PTPRE: variants seen among roughly 807,000 people sequenced by gnomAD.
PTPRE encodes receptor-type tyrosine-protein phosphatase epsilon.
Under a neutral mutation model 102.0 loss-of-function variants are expected in PTPRE, and 51 were observed. The ratio of observed to expected loss-of-function variants is 0.50; its 90% CI spans 0.40 to 0.63. The LOEUF is 0.63. Among genes scored for constraint, PTPRE ranks in the 30% least tolerant of loss-of-function variants. The probability of loss-of-function intolerance (pLI) is 0.00; values close to 1 mark genes in which losing one functional copy is unlikely to be tolerated. For synonymous variants in PTPRE, 345 were observed against 348.2 expected, an observed-to-expected ratio of 0.99 and a Z score of 0.10; for missense variants, 752 against 915.1, an observed-to-expected ratio of 0.82 and a Z score of 2.30.
chr10:128,068,019 A>G (rs920421203), intron 11 of PTPRE, 104 bp from the exon 12 acceptor site: 4 of 1,321,490 alleles, frequency 3.0e-6, no homozygotes, highest in Non-Finnish European at 4.1e-6. Flanking sequence ...TCCCCTACGC[A>G]GCCCCAGCAC....
At chr10:127,931,899 C>G (rs1157956512) in intron 1 of PTPRE, among the ~76,000 whole-genome samples, 1 of 152,112 alleles carries the variant, frequency 6.6e-6, no homozygotes, top group Non-Finnish European at 1.5e-5. Flanking sequence ...GACTCATCTC[C>G]TAGCAAAAAT....
chr10:128,046,703 A>C (rs1848121173), intron 3 of PTPRE, among the ~76,000 whole-genome samples: 1 of 152,144 alleles, frequency 6.6e-6, no homozygotes, highest in African/African-American at 2.4e-5. Flanking sequence ...CGAGGCCACC[A>C]GTGTCCCTTG....
intron 17 of PTPRE, among the ~76,000 whole-genome samples, chr10:128,075,926 G>T (rs895573930): frequency 6.6e-6 from 1 of 152,176 alleles, no homozygotes; most frequent in Middle Eastern, 3.4e-3. Flanking sequence ...AGCTCTTTAC[G>T]TAATCTTGAT....
At chr10:128,073,280 G>A in intron 16 of PTPRE, 57 bp from the exon 17 acceptor site, 3 of 1,604,126 alleles carry the variant, frequency 1.9e-6, no homozygotes, top group South Asian at 2.2e-5. Flanking sequence ...TAGGGAGCAG[G>A]TAATGGAGCC....
chr10:127,967,351 C>A (rs1850335776), intron 1 of PTPRE, among the ~76,000 whole-genome samples: 2 of 152,174 alleles, frequency 1.3e-5, no homozygotes, highest in Non-Finnish European at 2.9e-5. Context: ...CCCCACGTGT[C>A]ATGGGAGGGA....
intron 1 of PTPRE, among the ~76,000 whole-genome samples, chr10:127,976,978 C>T (rs560197507): frequency 7.2e-5 from 11 of 152,302 alleles, no homozygotes; most frequent in African/African-American, 2.6e-4. Flanking sequence ...GCGGTTCTGT[C>T]CATTCCCCAC....
At chr10:128,063,591 G>A (rs974827995) in intron 10 of PTPRE, among the ~76,000 whole-genome samples, 4 of 152,004 alleles carry the variant, frequency 2.6e-5, no homozygotes, top group Non-Finnish European at 4.4e-5. Flanking sequence ...GGAAAACGTT[G>A]GTATATTGAA....
intron 2 of PTPRE, among the ~76,000 whole-genome samples, chr10:128,003,140 C>T (rs992373148): frequency 5.3e-5 from 8 of 152,158 alleles, no homozygotes; most frequent in Non-Finnish European, 1.2e-4. Flanking sequence ...TTCCTGACCT[C>T]GGGAGGTGAC....
chr10:128,059,954 AAC>A (rs940040914), intron 7 of PTPRE, among the ~76,000 whole-genome samples: 9 of 146,594 alleles, frequency 6.1e-5, no homozygotes, highest in African/African-American at 1.8e-4. Flanking sequence ...ACACACACAC[AAC>A]ACACACACTA....
chr10:128,049,807 G>A (rs1564928475), intron 6 of PTPRE, 141 bp downstream of exon 6: 3 of 1,219,508 alleles, frequency 2.5e-6, no homozygotes, highest in East Asian at 2.5e-5. Flanking sequence ...GGCGTGTGAG[G>A]AAACCTGGTG....
At chr10:127,941,079 T>A (rs1417520969) in intron 1 of PTPRE, among the ~76,000 whole-genome samples, 1 of 152,182 alleles carries the variant, frequency 6.6e-6, no homozygotes, top group Non-Finnish European at 1.5e-5. Flanking sequence ...TGGAGAATGA[T>A]GTGCTAACCA....
At chr10:127,943,540 C>T (rs1488232358) in intron 1 of PTPRE, among the ~76,000 whole-genome samples, 1 of 152,208 alleles carries the variant, frequency 6.6e-6, no homozygotes. Context: ...TCGGTGAAGA[C>T]CCCACCCACA....
intron 11 of PTPRE, among the ~76,000 whole-genome samples, chr10:128,066,847 G>C (rs1414187432): frequency 6.6e-6 from 1 of 152,146 alleles, no homozygotes; most frequent in Admixed American, 6.6e-5. Flanking sequence ...TCCCCTGCTG[G>C]CATCTCTCCC....
chr10:127,929,236 A>C (rs1258690542), intron 1 of PTPRE: 1 of 152,206 alleles, frequency 6.6e-6, no homozygotes, highest in African/African-American at 2.4e-5. Flanking sequence ...AGTCAACTGT[A>C]ATGTTTCAGG....
In PTPRE at chr10:127,953,276, T is replaced by C. The variant is rs137956481; in HGVS notation, c.-30-28998T>C. Among the ~76,000 whole-genome samples the C allele has an allele frequency of 3.5e-3, 532 of 152,352 alleles. 5 individuals carry two copies. Among genetic ancestry groups the C allele is most frequent in the African/African-American group, 0.012 (511 of 41,576 alleles). On this transcript the variant is annotated intron_variant, in intron 1 of 20. Transcript: ENST00000254667. The stretch of plus-strand genomic sequence containing the variant: ...GTGTCAGTGGCCGATAGGGATGCTG[T>C]TTGGAGCCTTCGGCAGGCCCCTATA...
intron 7 of PTPRE, among the ~76,000 whole-genome samples, chr10:128,056,530 G>A (rs569235459): frequency 6.6e-6 from 1 of 152,334 alleles, no homozygotes; most frequent in South Asian, 2.1e-4. Flanking sequence ...GGCCCCTCCT[G>A]TGGAACTCAG....
Position 128,085,620 on chromosome 10 carries a change from A to G in PTPRE, c.*2714A>G, listed in dbSNP as rs1852030672. 6.5e-6 allele frequency: 1 copy of G among 152,732 alleles called. No homozygotes were observed. Among genetic ancestry groups the G allele is most frequent in the Non-Finnish European group, 1.5e-5 (1 of 68,110 alleles). 9.5% of individuals were successfully genotyped at this position (152,732 alleles called of 1,614,324 possible). A position where few individuals can be genotyped will look rare whatever the true frequency, so the allele number is the denominator to read the frequency against. On this transcript the variant is annotated 3_prime_UTR_variant, in exon 21 of 21. Coordinates refer to ENST00000254667, the MANE Select transcript of PTPRE (RefSeq NM_006504.6). Reference sequence around the variant, plus strand: ...ATCCCCATGTTATTCTTTTAAGTGTATAATTACTGATACTTTTTTGTTTGT... The same window carrying G: ...ATCCCCATGTTATTCTTTTAAGTGTGTAATTACTGATACTTTTTTGTTTGT...
chr10:128,065,349 C>G (rs1849987367), intron 10 of PTPRE, among the ~76,000 whole-genome samples: 1 of 152,204 alleles, frequency 6.6e-6, no homozygotes, highest in South Asian at 2.1e-4. Context: ...AGATCTTTTC[C>G]CCCTTGAGGT....
chr10:128,079,351 TAGGG>T (rs566606877), intron 19 of PTPRE, among the ~76,000 whole-genome samples: 18 of 152,156 alleles, frequency 1.2e-4, no homozygotes, highest in Non-Finnish European at 2.2e-4. Flanking sequence ...CTCCTGTAAT[TAGGG>T]AGGTGTTTTA....
Sources: allele counts gnomAD v4.1 joint callset (sites outside exome capture counted in the v4.1 genomes callset), GRCh38; gene constraint gnomAD v4.1.1; transcripts MANE v1.5; gene names NCBI Gene and HGNC (gene_info 2026-07-23, HGNC 2026-07-21).